Variants in FGF12 observed in about 807,000 individuals in gnomAD.
FGF12 encodes fibroblast growth factor 12B.
FGF12 carries 14 observed loss-of-function variants against 23.6 expected under a neutral mutation model. That is an observed-to-expected ratio of 0.59 (90% CI 0.39 to 0.93). The LOEUF (loss-of-function observed/expected upper bound fraction) is 0.93, where lower values mean the gene tolerates loss of function less well. Among genes scored for constraint, FGF12 ranks in the 40% least tolerant of loss-of-function variants. FGF12 has a pLI of 0.00. For synonymous variants in FGF12, 62 were observed against 77.3 expected, an observed-to-expected ratio of 0.80 and a Z score of 1.04; for missense variants, 175 against 217.8, an observed-to-expected ratio of 0.80 and a Z score of 1.24.
intron 2 of FGF12, among the ~76,000 whole-genome samples, chr3:192,477,690 T>G (rs1359053441): frequency 6.6e-6 from 1 of 152,176 alleles, no homozygotes; most frequent in African/African-American, 2.4e-5. Flanking sequence ...CACTTTTGAT[T>G]GGTAATTTGA....
chr3:192,464,941 T>C (rs1171484409), intron 2 of FGF12, among the ~76,000 whole-genome samples: 26 of 152,190 alleles, frequency 1.7e-4, no homozygotes, highest in Admixed American at 1.6e-3. Flanking sequence ...TCCTATCTCA[T>C]TGTGATCTGA....
At chr3:192,624,271 A>C (rs1428572528) in intron 2 of FGF12, among the ~76,000 whole-genome samples, 1 of 152,210 alleles carries the variant, frequency 6.6e-6, no homozygotes, top group African/African-American at 2.4e-5. Flanking sequence ...GTATGTGCAG[A>C]AAGGCAGTTA....
In FGF12 at chr3:192,712,386, AAG is replaced by A. The variant is rs565642419; in HGVS notation, c.13+14793_13+14794del. ...AAAGAAAAAAATTCTAGAATTAAAG[AAG>A]AGTTTCCACAGTAAATACACAGCAT... On this transcript the variant is annotated intron_variant, in intron 2 of 5. Coordinates refer to ENST00000445105, the MANE Select transcript of FGF12 (RefSeq NM_004113.6). Among the ~76,000 whole-genome samples, 377 of 152,134 alleles carry A rather than the reference AAG, an allele frequency of 2.5e-3. 1 individual carries two copies. Among genetic ancestry groups the A allele is most frequent in the African/African-American group, 7.7e-3 (320 of 41,560 alleles).
intron 2 of FGF12, among the ~76,000 whole-genome samples, chr3:192,547,010 C>A (rs566528754): frequency 6.6e-6 from 1 of 152,252 alleles, no homozygotes; most frequent in Admixed American, 6.5e-5. Flanking sequence ...GAGATTGCAC[C>A]ACTGCACTCC....
At chr3:192,655,118 G>T (rs115873675) in intron 2 of FGF12, among the ~76,000 whole-genome samples, 1 of 152,214 alleles carries the variant, frequency 6.6e-6, no homozygotes, top group South Asian at 2.1e-4. Flanking sequence ...TGTATATGGT[G>T]TATAAAACAT....
At chr3:192,351,566 T>C (rs1303554482) in intron 3 of FGF12, among the ~76,000 whole-genome samples, 1 of 152,202 alleles carries the variant, frequency 6.6e-6, no homozygotes, top group Non-Finnish European at 1.5e-5. Context: ...GGGAAAAAAG[T>C]AGATGCATCT....
At chr3:192,512,492 T>C (rs2108840272) in intron 2 of FGF12, among the ~76,000 whole-genome samples, 1 of 152,236 alleles carries the variant, frequency 6.6e-6, no homozygotes, top group South Asian at 2.1e-4. Flanking sequence ...TTAGCTGCTA[T>C]TAATCCATTT....
chr3:192,378,032 T>C (rs60479969), intron 2 of FGF12, among the ~76,000 whole-genome samples: 5,113 of 25,942 alleles, frequency 0.2, 457 homozygotes, highest in African/African-American at 0.41. Flanking sequence ...TTTCTTTTCT[T>C]TCTTTCTTTC....
intron 2 of FGF12, among the ~76,000 whole-genome samples, chr3:192,397,903 G>T (rs773902415): frequency 2.0e-5 from 3 of 151,726 alleles, no homozygotes; most frequent in Non-Finnish European, 4.4e-5. Context: ...GTCATCTTTT[G>T]AGTTCCCAAA....
intron 2 of FGF12, among the ~76,000 whole-genome samples, chr3:192,683,313 C>T (rs916503449): frequency 2.9e-4 from 44 of 152,270 alleles, no homozygotes; most frequent in African/African-American, 9.9e-4. Context: ...TGCAGCATTA[C>T]GTACAATATA....
rs565883801 is a variant in FGF12, at chr3:192,272,232, A to G, written c.228+63129T>C. ...CATAAAGACACAGTTTATTCTAGGA[A>G]TTTTCAGTAACTGTTATTGCTTTTT... On this transcript the variant is annotated intron_variant, in intron 4 of 5. Coordinates refer to ENST00000445105, the MANE Select transcript of FGF12 (RefSeq NM_004113.6). Among the ~76,000 whole-genome samples, 10 of 152,260 alleles carry G rather than the reference A, an allele frequency of 6.6e-5. No homozygotes were observed. In the South Asian group the frequency reaches 2.1e-3, roughly 32 times the overall value.
At chr3:192,711,294 AG>A (rs1277065756) in intron 2 of FGF12, among the ~76,000 whole-genome samples, 3 of 123,432 alleles carry the variant, frequency 2.4e-5, no homozygotes, top group South Asian at 2.7e-4. Context: ...GGTGGGGGGC[AG>A]CCCCCACCCA....
At chr3:192,528,294 C>T (rs1445856732) in intron 2 of FGF12, among the ~76,000 whole-genome samples, 2 of 152,164 alleles carry the variant, frequency 1.3e-5, no homozygotes, top group Non-Finnish European at 2.9e-5. Flanking sequence ...CCATGTAAGT[C>T]CGAAATCCAG....
chr3:192,322,624 A>T (rs1363245239), intron 4 of FGF12, among the ~76,000 whole-genome samples: 1 of 152,066 alleles, frequency 6.6e-6, no homozygotes. Context: ...AACCAAAACA[A>T]CATGGTAGTG....
intron 2 of FGF12, among the ~76,000 whole-genome samples, chr3:192,683,889 C>T (rs1717634928): frequency 6.6e-6 from 1 of 152,114 alleles, no homozygotes; most frequent in South Asian, 2.1e-4. Flanking sequence ...ACCTCCATTC[C>T]CTGCGCAATA....
chr3:192,376,356 AT>A (rs1719501217), intron 2 of FGF12, among the ~76,000 whole-genome samples: 1 of 149,574 alleles, frequency 6.7e-6, no homozygotes, highest in Admixed American at 6.7e-5. Flanking sequence ...TTATTTATTT[AT>A]TTATTTTTAT....
intron 2 of FGF12, among the ~76,000 whole-genome samples, chr3:192,560,123 G>A (rs1318156890): frequency 1.3e-5 from 2 of 152,030 alleles, no homozygotes; most frequent in Non-Finnish European, 1.5e-5. Flanking sequence ...CAGCACATTT[G>A]TAAATCACCC....
intron 2 of FGF12, among the ~76,000 whole-genome samples, chr3:192,689,208 T>G (rs992127359): frequency 1.3e-5 from 2 of 152,184 alleles, no homozygotes; most frequent in Admixed American, 1.3e-4. Context: ...ATGTATTATA[T>G]ATTTCAAAAT....
chr3:192,159,325 A>T (rs1312773381), intron 5 of FGF12, among the ~76,000 whole-genome samples: 1 of 152,194 alleles, frequency 6.6e-6, no homozygotes, highest in East Asian at 1.9e-4. Context: ...GGATACAGTT[A>T]ATTATTTCCT....
Sources: allele counts gnomAD v4.1 joint callset (sites outside exome capture counted in the v4.1 genomes callset), GRCh38; gene constraint gnomAD v4.1.1; transcripts MANE v1.5; gene names NCBI Gene and HGNC (gene_info 2026-07-23, HGNC 2026-07-21).